PPP1R12B: variants seen among roughly 807,000 people sequenced by gnomAD.
The protein encoded by PPP1R12B is myosin phosphatase target subunit 2.
In PPP1R12B, 76 loss-of-function variants were observed where a neutral mutation model predicts 126.1. The ratio of observed to expected loss-of-function variants is 0.60; its 90% CI spans 0.50 to 0.73. The LOEUF (loss-of-function observed/expected upper bound fraction) is 0.73. PPP1R12B is among the 30% of genes least tolerant of loss of function. The pLI is 0.00. For missense variants in PPP1R12B, 1,052 were observed against 1,205.1 expected (o/e 0.87, Z 1.88); for synonymous variants, 356 against 434.7 (o/e 0.82, Z 2.25).
intron 13 of PPP1R12B, chr1:202,472,207 T>C (rs1676023062): frequency 2.0e-6 from 1 of 512,428 alleles, no homozygotes; most frequent in East Asian, 3.1e-5. Flanking sequence ...ATATATATAG[T>C]ACTTTTTAGT....
intron 18 of PPP1R12B, among the ~76,000 whole-genome samples, chr1:202,513,855 C>A (rs548111833): frequency 6.6e-6 from 1 of 152,194 alleles, no homozygotes; most frequent in South Asian, 2.1e-4. Flanking sequence ...CAGGGCACAC[C>A]ACTGTTTGAG....
chr1:202,439,389 G>A (rs779332378), intron 10 of PPP1R12B: 145 of 1,265,762 alleles, frequency 1.1e-4, no homozygotes, highest in East Asian at 3.7e-4. Context: ...GAAGAAGCAC[G>A]CGGCACAGCG....
chr1:202,559,649 A>C (rs939248518), intron 19 of PPP1R12B, among the ~76,000 whole-genome samples: 6 of 152,206 alleles, frequency 3.9e-5, no homozygotes, highest in Non-Finnish European at 8.8e-5. Context: ...GATTGGGAGA[A>C]GATATAGTTA....
At chr1:202,563,761 A>G (rs1429639087) in intron 20 of PPP1R12B, among the ~76,000 whole-genome samples, 2 of 152,108 alleles carry the variant, frequency 1.3e-5, no homozygotes, top group African/African-American at 4.8e-5. Context: ...ACCAGGAAAA[A>G]CTATTTTTGT....
At chr1:202,424,254 AT>A (rs1199138929) in intron 3 of PPP1R12B, among the ~76,000 whole-genome samples, 1 of 151,642 alleles carries the variant, frequency 6.6e-6, no homozygotes, top group African/African-American at 2.4e-5. Context: ...TCTGATTTAA[AT>A]TGGTTACCTC....
intron 1 of PPP1R12B, among the ~76,000 whole-genome samples, chr1:202,398,458 T>C (rs1665327470): frequency 6.6e-6 from 1 of 152,248 alleles, no homozygotes; most frequent in Admixed American, 6.5e-5. Flanking sequence ...ATAGCATTCA[T>C]TGATTTTGAT....
At chr1:202,426,136 G>T (rs185428880) in intron 4 of PPP1R12B, among the ~76,000 whole-genome samples, 1 of 152,230 alleles carries the variant, frequency 6.6e-6, no homozygotes, top group Non-Finnish European at 1.5e-5. Context: ...TGTCCAGCTG[G>T]CACAGGATAG....
At chr1:202,471,334 G>A (rs557910392) in intron 13 of PPP1R12B, among the ~76,000 whole-genome samples, 43 of 151,402 alleles carry the variant, frequency 2.8e-4, no homozygotes, top group Non-Finnish European at 5.6e-4. Flanking sequence ...TGGACATTTA[G>A]GTATTTAGGT....
intron 1 of PPP1R12B, among the ~76,000 whole-genome samples, chr1:202,409,479 G>A (rs1336051642): frequency 8.0e-5 from 12 of 150,658 alleles, no homozygotes; most frequent in African/African-American, 2.7e-4. Context: ...GCGCCACCAC[G>A]CCCAGCTAAT....
intron 13 of PPP1R12B, among the ~76,000 whole-genome samples, chr1:202,486,396 G>A (rs946419089): frequency 1.3e-5 from 2 of 152,116 alleles, no homozygotes; most frequent in Non-Finnish European, 2.9e-5. Flanking sequence ...TTAACAACTT[G>A]ATGCCACTAA....
At chr1:202,446,740 G>C (rs1374960676) in intron 12 of PPP1R12B, among the ~76,000 whole-genome samples, 1 of 151,438 alleles carries the variant, frequency 6.6e-6, no homozygotes, top group Non-Finnish European at 1.5e-5. Context: ...CATATGTAAC[G>C]ATAAATCTAA....
At chr1:202,506,390 C>T (rs1461886851) in intron 18 of PPP1R12B, among the ~76,000 whole-genome samples, 2 of 152,174 alleles carry the variant, frequency 1.3e-5, no homozygotes, top group African/African-American at 4.8e-5. Flanking sequence ...AATTTTAGGT[C>T]GTGCTGTTGC....
chr1:202,459,063 C>T (rs1212466459), intron 13 of PPP1R12B, among the ~76,000 whole-genome samples: 23 of 152,144 alleles, frequency 1.5e-4, no homozygotes. Flanking sequence ...ATGTGCATAC[C>T]AATTGGCCAA....
rs749614414 is a variant in PPP1R12B at position 202,348,870 on chromosome 1, C to G, written c.19C>G (p.Leu7Val). MAELEH[L>V]GGKRAESARM... Reference sequence around the variant, plus strand: ...CGGAGCAATGGCGGAACTGGAGCACCTAGGAGGGAAGCGGGCAGAGTCGGC... The same window carrying G: ...CGGAGCAATGGCGGAACTGGAGCACGTAGGAGGGAAGCGGGCAGAGTCGGC... Residue 7 changes from leucine (L) to valine (V), a missense_variant, in exon 1 of 24, where the codon CTA becomes GTA. Transcript: ENST00000608999. 9.9e-6 allele frequency: 16 copies of G among 1,610,112 alleles called. No homozygotes were observed. Among genetic ancestry groups the G allele is most frequent in the Admixed American group, 3.4e-5 (2 of 59,562 alleles).
chr1:202,538,580 T>A (rs1177211603), intron 18 of PPP1R12B, among the ~76,000 whole-genome samples: 1 of 152,172 alleles, frequency 6.6e-6, no homozygotes, highest in Admixed American at 6.5e-5. Context: ...AAGTGAAAAG[T>A]ATAAATTTCA....
intron 12 of PPP1R12B, chr1:202,443,030 G>T (rs1486425228): frequency 4.5e-6 from 4 of 879,858 alleles, no homozygotes; most frequent in Non-Finnish European, 4.1e-6. Flanking sequence ...TCATACTGAA[G>T]CCTGTTAATT....
At chr1:202,575,313 G>T in intron 23 of PPP1R12B, 1 of 936,600 alleles carries the variant, frequency 1.1e-6, no homozygotes, top group Non-Finnish European at 1.5e-6. Flanking sequence ...CATAGAATGG[G>T]ACATACCAGC....
intron 19 of PPP1R12B, among the ~76,000 whole-genome samples, chr1:202,560,988 T>A (rs1687463068): frequency 2.0e-5 from 3 of 151,778 alleles, no homozygotes; most frequent in Non-Finnish European, 4.4e-5. Context: ...ATTGTGCACA[T>A]GTACCCTAAA....
chr1:202,556,258 G>A (rs1686925669), intron 18 of PPP1R12B, among the ~76,000 whole-genome samples: 1 of 152,154 alleles, frequency 6.6e-6, no homozygotes, highest in Non-Finnish European at 1.5e-5. Context: ...TCACTTCCTT[G>A]TAGTTATCAC....
Sources: gnomAD v4.1 joint callset for allele counts (sites outside exome capture counted in the v4.1 genomes callset) on GRCh38, gnomAD v4.1.1 for gene constraint, MANE v1.5 for transcripts, NCBI Gene and HGNC (gene_info 2026-07-23, HGNC 2026-07-21) for gene names.